RHOBTB1: variants seen among roughly 807,000 people sequenced by gnomAD.
RHOBTB1 encodes the protein Rho related BTB domain containing 1, also known as rho-related BTB domain-containing protein 1.
A neutral mutation model predicts 71.6 loss-of-function variants in RHOBTB1; 40 were observed. The observed-to-expected ratio is 0.56, with a 90% CI of 0.43 to 0.73. RHOBTB1 has a LOEUF of 0.73. RHOBTB1 is among the 30% of genes least tolerant of loss of function. RHOBTB1 has a pLI of 0.00. For missense variants in RHOBTB1, 797 were observed against 894.0 expected (o/e 0.89, Z 1.38); for synonymous variants, 319 against 334.9 (o/e 0.95, Z 0.52).
At position 60,905,449 on chromosome 10, in the gene RHOBTB1, C is replaced by CAAAA. The variant is rs35538782; in HGVS notation, c.296+5434_296+5437dup. On this transcript the variant is annotated intron_variant, in intron 4 of 10. Coordinates refer to ENST00000337910, the MANE Select transcript of RHOBTB1 (RefSeq NM_014836.5). ...TGGGCAATAGTGAGAGACTCTTTCTCAAAAAAAAAAAAAAAAAAAAAAAAA... is the reference window on the plus strand; with the variant it reads ...TGGGCAATAGTGAGAGACTCTTTCTCAAAAAAAAAAAAAAAAAAAAAAAAAAAAA... 8.0e-3 allele frequency among the ~76,000 whole-genome samples: 392 copies of CAAAA among 48,934 alleles called. 20 individuals are homozygous for CAAAA. Among genetic ancestry groups the CAAAA allele is most frequent in the Middle Eastern group, 0.023 (2 of 86 alleles). 32.1% of individuals were successfully genotyped at this position (48,934 alleles called of 152,430 possible). A position where few individuals can be genotyped will look rare whatever the true frequency, so the allele number is the denominator to read the frequency against.
intron 4 of RHOBTB1, among the ~76,000 whole-genome samples, chr10:60,898,631 C>T (rs1305444577): frequency 1.3e-5 from 2 of 152,172 alleles, no homozygotes; most frequent in African/African-American, 4.8e-5. Context: ...CAGAACCATG[C>T]AGTGCCCTGG....
At chr10:60,954,606 A>C (rs1418553135) in intron 2 of RHOBTB1, among the ~76,000 whole-genome samples, 2 of 152,212 alleles carry the variant, frequency 1.3e-5, no homozygotes, top group African/African-American at 4.8e-5. Flanking sequence ...AGTTTGTTTA[A>C]AATTCAAGTG....
intron 5 of RHOBTB1, 32 bp from the exon 6 acceptor site, chr10:60,889,217 G>T: frequency 1.3e-6 from 2 of 1,555,110 alleles, no homozygotes; most frequent in Admixed American, 2.0e-5. Context: ...ATTATAATCA[G>T]CCTTGTTTTA....
chr10:60,891,367 G>T (rs2081911539), intron 5 of RHOBTB1, among the ~76,000 whole-genome samples: 1 of 123,024 alleles, frequency 8.1e-6, no homozygotes, highest in Non-Finnish European at 1.6e-5. Flanking sequence ...TTGAGACAGG[G>T]TCTTGCTCTG....
intron 5 of RHOBTB1, among the ~76,000 whole-genome samples, chr10:60,892,202 C>A (rs183651768): frequency 6.6e-6 from 1 of 152,142 alleles, no homozygotes; most frequent in African/African-American, 2.4e-5. Context: ...TATAGTGAAA[C>A]AAATTCTCCT....
intron 7 of RHOBTB1, among the ~76,000 whole-genome samples, chr10:60,883,413 A>G (rs1240574321): frequency 6.6e-6 from 1 of 152,188 alleles, no homozygotes; most frequent in Non-Finnish European, 1.5e-5. Flanking sequence ...ATTACAGTCC[A>G]TTCTTGGAAG....
chr10:60,947,318 T>G (rs1473270913), upstream of RHOBTB1, among the ~76,000 whole-genome samples: 1 of 152,226 alleles, frequency 6.6e-6, no homozygotes, highest in African/African-American at 2.4e-5. Flanking sequence ...TTTAAACACT[T>G]TTCATGTTTC....
chr10:60,924,912 C>A (rs2083778826), intron 2 of RHOBTB1, among the ~76,000 whole-genome samples: 1 of 152,094 alleles, frequency 6.6e-6, no homozygotes, highest in African/African-American at 2.4e-5. Context: ...TTTCCCTGAC[C>A]CAATCTCATG....
chr10:60,906,085 A>C (rs1291741305), intron 4 of RHOBTB1, among the ~76,000 whole-genome samples: 1 of 152,230 alleles, frequency 6.6e-6, no homozygotes, highest in Non-Finnish European at 1.5e-5. Flanking sequence ...CATTTGAGAA[A>C]AATCAGTGTC....
intron 2 of RHOBTB1, among the ~76,000 whole-genome samples, chr10:60,912,501 G>A (rs1452478064): frequency 1.3e-5 from 2 of 152,040 alleles, no homozygotes; most frequent in Non-Finnish European, 2.9e-5. Context: ...CCAAAGTGCT[G>A]GAATTATAGG....
chr10:60,880,239 G>C (rs1179474331), intron 7 of RHOBTB1, among the ~76,000 whole-genome samples: 2 of 144,474 alleles, frequency 1.4e-5, no homozygotes, highest in Non-Finnish European at 3.0e-5. Flanking sequence ...GAGAGAGAGA[G>C]ACAGAGTGAG....
chr10:60,894,656 G>A (rs1303618083), intron 4 of RHOBTB1, among the ~76,000 whole-genome samples: 1 of 152,098 alleles, frequency 6.6e-6, no homozygotes, highest in Non-Finnish European at 1.5e-5. Context: ...TCTGCTATAA[G>A]CTTCATCCTG....
chr10:60,971,760 C>T (rs1006285893), intron 2 of RHOBTB1, among the ~76,000 whole-genome samples: 1 of 152,110 alleles, frequency 6.6e-6, no homozygotes, highest in African/African-American at 2.4e-5. Flanking sequence ...AGCAGGCAAC[C>T]TACAGAATAG....
At position 60,965,988 on chromosome 10, in the gene RHOBTB1, A is replaced by T. The variant is rs78239826; in HGVS notation, c.-62+19857T>A. The stretch of plus-strand genomic sequence containing the variant: ...AGAAATAACAGGAATCTTACAGACA[A>T]TAAATATATAATTTTAAAAACTGTG... On this transcript the variant is annotated intron_variant, in intron 2 of 11. Coordinates refer to the RHOBTB1 transcript ENST00000357917. 7.9e-3 allele frequency among the ~76,000 whole-genome samples: 1,196 copies of T among 152,308 alleles called. 9 individuals are homozygous for T. Among genetic ancestry groups the T allele is most frequent in the African/African-American group, 0.028 (1,144 of 41,578 alleles).
At chr10:60,969,778 T>G (rs2086091422) in intron 2 of RHOBTB1, among the ~76,000 whole-genome samples, 1 of 152,170 alleles carries the variant, frequency 6.6e-6, no homozygotes, top group South Asian at 2.1e-4. Context: ...TAGGCATTTA[T>G]TACATCATAA....
intron 2 of RHOBTB1, among the ~76,000 whole-genome samples, chr10:60,926,393 A>G (rs1565000080): frequency 6.6e-6 from 1 of 152,254 alleles, no homozygotes; most frequent in Non-Finnish European, 1.5e-5. Flanking sequence ...GACCAGTGTT[A>G]TCCTGATACC....
intron 4 of RHOBTB1, among the ~76,000 whole-genome samples, chr10:60,903,677 TATGGGCCCCTGGGTC>T (rs1225837163): frequency 1.1e-4 from 5 of 44,804 alleles, no homozygotes; most frequent in Non-Finnish European, 1.7e-4. Context: ...TGGGTCAGAC[TATGGGCCCCTGGGTC>T]AGACTATGAG....
intron 4 of RHOBTB1, among the ~76,000 whole-genome samples, chr10:60,903,233 A>G (rs1445334572): frequency 6.6e-6 from 1 of 152,152 alleles, no homozygotes; most frequent in African/African-American, 2.4e-5. Flanking sequence ...AACATAATGC[A>G]TGTTTGTGGG....
chr10:60,986,869 C>T (rs2134888678), intron 1 of RHOBTB1, among the ~76,000 whole-genome samples: 1 of 152,266 alleles, frequency 6.6e-6, no homozygotes, highest in East Asian at 1.9e-4. Flanking sequence ...CAGCTCTCCT[C>T]CCTTTCTGTG....
Sources: gnomAD v4.1 joint callset for allele counts (sites outside exome capture counted in the v4.1 genomes callset) on GRCh38, gnomAD v4.1.1 for gene constraint, MANE v1.5 for transcripts, NCBI Gene and HGNC (gene_info 2026-07-23, HGNC 2026-07-21) for gene names.